FAM110A: variants seen among roughly 807,000 people sequenced by gnomAD.
FAM110A encodes the protein protein FAM110A.
A neutral mutation model predicts 4.0 loss-of-function variants in FAM110A; 1 was observed. The observed-to-expected ratio is 0.25, with a 90% CI of 0.09 to 1.20. The LOEUF (loss-of-function observed/expected upper bound fraction) is 1.20, where lower values mean the gene tolerates loss of function less well. FAM110A is among the 50% of genes most tolerant of loss of function. The probability of loss-of-function intolerance (pLI) is 0.50; values close to 1 mark genes in which losing one functional copy is unlikely to be tolerated. For missense variants in FAM110A, 436 were observed against 429.2 expected, an observed-to-expected ratio of 1.02 and a Z score of -0.14; for synonymous variants, 217 against 196.8, an observed-to-expected ratio of 1.10 and a Z score of -0.86.
At position 840,119 on chromosome 20, in the gene FAM110A, C is replaced by T; in HGVS notation, c.-97-4589C>T. On this transcript the variant is annotated intron_variant, in intron 1 of 1. Transcript: ENST00000381941. This position sits in a 1 kb window ranked among gnomAD's most constrained non-coding sequence, Gnocchi z 4.4. Reference sequence around the variant, plus strand: ...CTTCCCTCCCCATCCCCCATTTCTGCCTCCGTGGAGGGCTAGGCAGGGCTC... The same window carrying T: ...CTTCCCTCCCCATCCCCCATTTCTGTCTCCGTGGAGGGCTAGGCAGGGCTC... 1 of 645,510 alleles carries T rather than the reference C, an allele frequency of 1.5e-6. No homozygotes were observed. The highest frequency in any genetic ancestry group is 2.8e-6 in the Non-Finnish European group (1 of 356,106). 40.0% of individuals were successfully genotyped at this position (645,510 alleles called of 1,614,324 possible). A position where few individuals can be genotyped will look rare whatever the true frequency, so the allele number is the denominator to read the frequency against.
intron 1 of FAM110A, among the ~76,000 whole-genome samples, chr20:835,452 G>A (rs1241420983): frequency 1.3e-5 from 2 of 151,972 alleles, no homozygotes; most frequent in Non-Finnish European, 2.9e-5. Context: ...CTGTGGATCT[G>A]CCTCCCCCTC....
intron 1 of FAM110A, among the ~76,000 whole-genome samples, chr20:842,465 GGCTGGCTCT>G (rs1979987226): frequency 6.6e-6 from 1 of 152,204 alleles, no homozygotes; most frequent in African/African-American, 2.4e-5. Context: ...GGCAGAGTTT[GGCTGGCTCT>G]GCTGTGCTCC....
chr20:845,099 C>T lies in FAM110A; in HGVS notation c.295C>T (p.Arg99Trp). Residue 99 changes from arginine (R) to tryptophan (W), a missense_variant, in exon 2 of 2, where the codon CGG (arginine) becomes TGG (tryptophan). By Grantham distance (101) the Arg-to-Trp change is moderately radical. Transcript: ENST00000381941. ...CCGAGCCCTGCCTGGCCCCTGCCGACGGCCCCAGCTGGACCTGGACATCCT... is the reference window on the plus strand; with the variant it reads ...CCGAGCCCTGCCTGGCCCCTGCCGATGGCCCCAGCTGGACCTGGACATCCT... ...SRRALPGPCRRPQLDLDILSS... is the reference protein window; with the variant it reads ...SRRALPGPCRWPQLDLDILSS... 1.3e-6 allele frequency: 2 copies of T among 1,595,474 alleles called. No homozygotes were observed. The highest frequency in any genetic ancestry group is 2.3e-5 in the East Asian group (1 of 44,154).
chr20:845,370 C>T lies in FAM110A; in HGVS notation c.566C>T (p.Ser189Leu), dbSNP rs752248372. The T allele has an allele frequency of 1.2e-6, 2 of 1,611,806 alleles. No individual in the cohort carries two copies. Among genetic ancestry groups the T allele is most frequent in the Admixed American group, 3.3e-5 (2 of 59,808 alleles). ...ARPPGLQRSK[S>L]DLSERFSRAA... is the part of the protein sequence containing the mutation. ...CCGCCGGGTTTGCAACGCTCCAAGT[C>T]GGACTTGAGCGAGCGCTTTTCTAGG... Residue 189 changes from serine (S) to leucine (L), a missense_variant, in exon 2 of 2, where the codon TCG becomes TTG. By Grantham distance (145) the Ser-to-Leu change is moderately radical. Transcript: ENST00000381941.
At position 845,583 on chromosome 20, in the gene FAM110A, C is replaced by G; in HGVS notation, c.779C>G (p.Ala260Gly). Residue 260 changes from alanine (A) to glycine (G), a missense_variant, in exon 2 of 2, where the codon GCC becomes GGC. Physicochemically the swap from Ala to Gly is moderately conservative, Grantham distance 60 (BLOSUM62 0). Transcript: ENST00000381941. ...AGCTCGGTGACTGTTGAGGAGCGGG[C>G]CCGGGAGCGCGTTCCCTATGGCGTG... ...RRSSVTVEER[A>G]RERVPYGVSV... 1 of 1,613,898 alleles carries G rather than the reference C, an allele frequency of 6.2e-7. No individual in the cohort carries two copies. The highest frequency in any genetic ancestry group is 1.1e-5 in the South Asian group (1 of 91,062).
chr20:839,646 T>G (rs1489870058), intron 1 of FAM110A: 3 of 1,181,372 alleles, frequency 2.5e-6, no homozygotes, highest in Admixed American at 1.7e-5. Flanking sequence ...CCTGCCAGTC[T>G]CTGGACGGCT....
intron 1 of FAM110A, among the ~76,000 whole-genome samples, chr20:842,454 G>C (rs1327792483): frequency 6.6e-6 from 1 of 152,206 alleles, no homozygotes; most frequent in Non-Finnish European, 1.5e-5. Flanking sequence ...CCTGGGGGTG[G>C]GGCAGAGTTT....
Position 845,666 on chromosome 20 carries a change from C to G in FAM110A, c.862C>G (p.Arg288Gly). ...IKWLYGLRQA[R>G]ESPAAEG is the part of the protein sequence containing the mutation. ...GTGGTTGTATGGGCTAAGGCAGGCT[C>G]GGGAGAGCCCAGCAGCTGAAGGCTA... is the stretch of plus-strand genomic sequence containing the variant. Residue 288 changes from arginine (R) to glycine (G), a missense_variant, in exon 2 of 2, where the codon CGG (arginine) becomes GGG (glycine). By Grantham distance (125) the Arg-to-Gly change is moderately radical. Transcript: ENST00000381941. 6.2e-7 allele frequency: 1 copy of G among 1,614,034 alleles called. No individual in the cohort carries two copies. Among genetic ancestry groups the G allele is most frequent in the South Asian group, 1.1e-5 (1 of 91,080 alleles).
chr20:845,797 C>A lies in FAM110A; in HGVS notation c.*105C>A. The A allele has an allele frequency of 6.6e-7, 1 of 1,518,216 alleles. No individual in the cohort carries two copies. Among genetic ancestry groups the A allele is most frequent in the Admixed American group, 2.2e-5 (1 of 45,330 alleles). 94.0% of individuals were successfully genotyped at this position (1,518,216 alleles called of 1,614,324 possible). On this transcript the variant is annotated 3_prime_UTR_variant, in exon 2 of 2. Transcript: ENST00000381941. ...CTAGACGGCCGTGTCAGAGGCTCCA[C>A]CCTGTTGTGAACTTGGTATGGAGGC... is the stretch of plus-strand genomic sequence containing the variant.
intron 1 of FAM110A, among the ~76,000 whole-genome samples, chr20:837,090 TCGCCCAGGCTGGAGTGCA>T (rs1979623568): frequency 6.7e-6 from 1 of 149,178 alleles, no homozygotes; most frequent in African/African-American, 2.5e-5. Context: ...TTTCGCTCTG[TCGCCCAGGCTGGAGTGCA>T]GTGGCGCCAT....
rs755285003 is a variant in FAM110A at position 845,550 on chromosome 20, C to G, written c.746C>G (p.Ser249Cys). The G allele has an allele frequency of 6.2e-7, 1 of 1,613,378 alleles. No homozygotes were observed. The highest frequency in any genetic ancestry group is 8.5e-7 in the Non-Finnish European group (1 of 1,179,782). ...CCGGGCAGCTCTGAAGGGGGCTGCT[C>G]CCGCCGCAGCTCGGTGACTGTTGAG... Reference protein sequence around the residue: ...AGPGSSEGGCSRRSSVTVEER... With the variant: ...AGPGSSEGGCCRRSSVTVEER... The change falls in exon 2 of 2, where the codon TCC becomes TGC. Residue 249 changes from serine (S) to cysteine (C), a missense_variant. Ser to Cys is a moderately radical substitution (Grantham distance 112). Transcript: ENST00000381941.
At chr20:844,560 C>G in intron 1 of FAM110A, 148 bp from the exon 2 acceptor site, 1 of 448,608 alleles carries the variant, frequency 2.2e-6, no homozygotes, top group Non-Finnish European at 3.7e-6. Flanking sequence ...CCCGCAGCTG[C>G]TGCCTTGTGC....
chr20:845,936 T>G lies in FAM110A; in HGVS notation c.*244T>G. On this transcript the variant is annotated 3_prime_UTR_variant, in exon 2 of 2. Coordinates refer to ENST00000381941, the MANE Select transcript of FAM110A (RefSeq NM_001042353.3). ...CCTCCCCTCCCCCAATACAAGGTTT[T>G]TGACATGAGTGTACTCCTGCTTAGT... is the stretch of plus-strand genomic sequence containing the variant. 1.4e-6 allele frequency: 1 copy of G among 724,476 alleles called. No homozygotes were observed. The highest frequency in any genetic ancestry group is 2.2e-6 in the Non-Finnish European group (1 of 451,128). The allele number at this position is 724,476 out of a possible 1,614,324, so 44.9% of individuals were successfully genotyped here. A position where few individuals can be genotyped will look rare whatever the true frequency, so the allele number is the denominator to read the frequency against.
intron 1 of FAM110A, among the ~76,000 whole-genome samples, chr20:836,533 T>C (rs1979585574): frequency 6.8e-6 from 1 of 146,818 alleles, no homozygotes; most frequent in Non-Finnish European, 1.5e-5. Flanking sequence ...GTTGTATGTG[T>C]TAGAATTTTC....
rs757995617 is a variant in FAM110A, at chr20:835,200, C to CTCTATATA, written c.-98+1250_-98+1251insCTATATAT. ...TCTCTCTCTCTCTCTCTCTCTCTCT[C>CTCTATATA]TATATATATATATACACACACACAT... On this transcript the variant is annotated intron_variant, in intron 1 of 1. Transcript: ENST00000381941. Among the ~76,000 whole-genome samples the CTCTATATA allele has an allele frequency of 1.1e-3, 155 of 140,538 alleles. 1 individual carries two copies. The highest frequency in any genetic ancestry group is 3.8e-3 in the African/African-American group (141 of 37,172). The allele number at this position is 140,538 out of a possible 152,430, so 92.2% of individuals were successfully genotyped here.
intron 1 of FAM110A, among the ~76,000 whole-genome samples, chr20:837,318 G>A (rs1242964921): frequency 1.3e-5 from 2 of 152,094 alleles, no homozygotes; most frequent in African/African-American, 4.8e-5. Context: ...CCAAAGTGCT[G>A]GGATTACAGG....
At chr20:842,403 C>A (rs1037075100) in intron 1 of FAM110A, among the ~76,000 whole-genome samples, 1 of 152,222 alleles carries the variant, frequency 6.6e-6, no homozygotes, top group Non-Finnish European at 1.5e-5. Context: ...CGCAAGGGAA[C>A]TGCCACTGCG....
chr20:840,118 G>C lies in FAM110A; in HGVS notation c.-97-4590G>C. 3.1e-6 allele frequency: 2 copies of C among 645,586 alleles called. No homozygotes were observed. Among genetic ancestry groups the C allele is most frequent in the Non-Finnish European group, 5.6e-6 (2 of 356,204 alleles). 40.0% of individuals were successfully genotyped at this position (645,586 alleles called of 1,614,324 possible). A position where few individuals can be genotyped will look rare whatever the true frequency, so the allele number is the denominator to read the frequency against. On this transcript the variant is annotated intron_variant, in intron 1 of 1. Transcript: ENST00000381941. The surrounding 1 kb of genome is among the most constrained non-coding windows in gnomAD (Gnocchi z 4.4). Reference sequence around the variant, plus strand: ...CCTTCCCTCCCCATCCCCCATTTCTGCCTCCGTGGAGGGCTAGGCAGGGCT... The same window carrying C: ...CCTTCCCTCCCCATCCCCCATTTCTCCCTCCGTGGAGGGCTAGGCAGGGCT...
chr20:845,758 C>G lies in FAM110A; in HGVS notation c.*66C>G. 1 of 1,594,044 alleles carries G rather than the reference C, an allele frequency of 6.3e-7. No individual in the cohort carries two copies. The highest frequency in any genetic ancestry group is 8.5e-7 in the Non-Finnish European group (1 of 1,170,536). On this transcript the variant is annotated 3_prime_UTR_variant, in exon 2 of 2. Transcript: ENST00000381941. ...AGAGGCAAGTGGTCCCTGGACCTCT[C>G]TTGCATCCATTCTCTAGACGGCCGT... is the stretch of plus-strand genomic sequence containing the variant.
Sources: gnomAD v4.1 joint callset for allele counts (sites outside exome capture counted in the v4.1 genomes callset) on GRCh38, gnomAD v4.1.1 for gene constraint, Gnocchi (gnomAD v3.1) non-coding constraint, MANE v1.5 for transcripts, NCBI Gene and HGNC (gene_info 2026-07-23, HGNC 2026-07-21) for gene names.